Variants in EYA1 observed in about 807,000 individuals in gnomAD.
EYA1 encodes protein phosphatase EYA1.
In EYA1, 16 loss-of-function variants were observed where a neutral mutation model predicts 82.0. The ratio of observed to expected loss-of-function variants is 0.20; its 90% CI spans 0.13 to 0.30. The LOEUF (loss-of-function observed/expected upper bound fraction) is 0.30. Among genes scored for constraint, EYA1 ranks in the 10% least tolerant of loss-of-function variants. The pLI is 1.00. For missense variants in EYA1, 633 were observed against 730.7 expected (o/e 0.87, Z 1.54); for synonymous variants, 261 against 264.4 (o/e 0.99, Z 0.12).
At chr8:71,466,875 A>G (rs977020354) in intron 2 of EYA1, among the ~76,000 whole-genome samples, 2 of 152,134 alleles carry the variant, frequency 1.3e-5, no homozygotes, top group Admixed American at 1.3e-4. Flanking sequence ...TCTTCTTACC[A>G]CTGGGGTTTG....
chr8:71,323,167 A>T (rs1306992454), intron 4 of EYA1, among the ~76,000 whole-genome samples: 1 of 152,126 alleles, frequency 6.6e-6, no homozygotes, highest in Non-Finnish European at 1.5e-5. Context: ...ATATGTGTGT[A>T]TATATACATA....
intron 9 of EYA1, among the ~76,000 whole-genome samples, chr8:71,283,673 T>C (rs1453953472): frequency 6.6e-6 from 1 of 152,210 alleles, no homozygotes; most frequent in Non-Finnish European, 1.5e-5. Context: ...AATGTCTTCA[T>C]GTTCATTAGG....
At chr8:71,244,759 T>G (rs986684626) in intron 11 of EYA1, 67 bp from the exon 12 acceptor site, 2 of 954,260 alleles carry the variant, frequency 2.1e-6, no homozygotes, top group Admixed American at 3.7e-5. Context: ...AGTGTCTCAT[T>G]AAGAGGAAGC....
At chr8:71,417,494 T>G (rs946924950) in intron 2 of EYA1, among the ~76,000 whole-genome samples, 1 of 152,230 alleles carries the variant, frequency 6.6e-6, no homozygotes, top group Admixed American at 6.5e-5. Context: ...TTCCATTATA[T>G]CGATGTATCA....
chr8:71,462,516 C>A (rs967279468), intron 2 of EYA1, among the ~76,000 whole-genome samples: 4 of 152,178 alleles, frequency 2.6e-5, no homozygotes, highest in African/African-American at 9.7e-5. Flanking sequence ...CCTTGGAGGG[C>A]AGGACTCTCA....
At chr8:71,266,863 T>A (rs906795328) in intron 11 of EYA1, among the ~76,000 whole-genome samples, 3 of 152,174 alleles carry the variant, frequency 2.0e-5, no homozygotes, top group Admixed American at 2.0e-4. Context: ...ATACGACTAT[T>A]TTCTCAGTTG....
chr8:71,261,572 G>A (rs1815115634), intron 11 of EYA1, among the ~76,000 whole-genome samples: 1 of 152,144 alleles, frequency 6.6e-6, no homozygotes, highest in Non-Finnish European at 1.5e-5. Context: ...CCTTACTTAA[G>A]AGACTCCCTT....
intron 2 of EYA1, among the ~76,000 whole-genome samples, chr8:71,400,479 G>A (rs551731153): frequency 1.3e-5 from 2 of 152,150 alleles, no homozygotes; most frequent in South Asian, 4.2e-4. Context: ...GTGGGCAAAG[G>A]ACAGGAATAG....
At chr8:71,275,310 G>T (rs532806792) in intron 9 of EYA1, among the ~76,000 whole-genome samples, 1 of 152,332 alleles carries the variant, frequency 6.6e-6, no homozygotes, top group East Asian at 1.9e-4. Context: ...ACTGGGTGAA[G>T]ATTGTAATAC....
intron 9 of EYA1, among the ~76,000 whole-genome samples, chr8:71,274,395 T>G (rs1218310807): frequency 6.6e-6 from 1 of 152,176 alleles, no homozygotes; most frequent in Non-Finnish European, 1.5e-5. Flanking sequence ...GCAAAACAAC[T>G]CAAATATTCA....
At chr8:71,242,238 A>C (rs1254530055) in intron 12 of EYA1, among the ~76,000 whole-genome samples, 1 of 152,184 alleles carries the variant, frequency 6.6e-6, no homozygotes, top group African/African-American at 2.4e-5. Flanking sequence ...TATTGAAATA[A>C]GTAAAAAACC....
At chr8:71,222,771 T>C (rs1810091860) in intron 12 of EYA1, among the ~76,000 whole-genome samples, 2 of 152,242 alleles carry the variant, frequency 1.3e-5, no homozygotes, top group East Asian at 1.9e-4. Flanking sequence ...GCGATGCTGA[T>C]GTCTTTGACC....
At chr8:71,398,371 A>C (rs928130052) in intron 2 of EYA1, among the ~76,000 whole-genome samples, 2 of 152,086 alleles carry the variant, frequency 1.3e-5, no homozygotes, top group Non-Finnish European at 2.9e-5. Context: ...GAGAAAAGGC[A>C]CTCTGATTTT....
intron 2 of EYA1, among the ~76,000 whole-genome samples, chr8:71,456,212 A>T (rs923232951): frequency 3.9e-5 from 6 of 152,200 alleles, no homozygotes; most frequent in African/African-American, 1.4e-4. Flanking sequence ...GATGTGAAGG[A>T]CCTCTTCAAG....
intron 2 of EYA1, among the ~76,000 whole-genome samples, chr8:71,423,036 C>T (rs1018797080): frequency 6.6e-5 from 10 of 152,114 alleles, no homozygotes; most frequent in Non-Finnish European, 1.3e-4. Flanking sequence ...AAAATAAGAA[C>T]CTAAATCAGA....
intron 9 of EYA1, among the ~76,000 whole-genome samples, chr8:71,281,536 T>C (rs1817816480): frequency 6.6e-6 from 1 of 152,248 alleles, no homozygotes; most frequent in African/African-American, 2.4e-5. Context: ...GTCTTAAACA[T>C]CTGAAAGAGG....
chr8:71,330,328 G>A (rs1001047813), intron 4 of EYA1, among the ~76,000 whole-genome samples: 14 of 152,022 alleles, frequency 9.2e-5, no homozygotes, highest in East Asian at 1.9e-4. Context: ...AGCCTGATCC[G>A]CTTCTGTTTT....
intron 4 of EYA1, among the ~76,000 whole-genome samples, chr8:71,324,167 AT>A (rs1220104511): frequency 6.6e-6 from 1 of 152,140 alleles, no homozygotes; most frequent in African/African-American, 2.4e-5. Context: ...GTACCCAACA[AT>A]TTTTTTCTTT....
intron 12 of EYA1, among the ~76,000 whole-genome samples, chr8:71,226,289 C>T (rs1467124845): frequency 6.6e-6 from 1 of 151,996 alleles, no homozygotes; most frequent in Non-Finnish European, 1.5e-5. Flanking sequence ...CATTATATCA[C>T]TTTAGCGTGT....
Sources: allele counts gnomAD v4.1 joint callset (sites outside exome capture counted in the v4.1 genomes callset), GRCh38; gene constraint gnomAD v4.1.1; transcripts MANE v1.5; gene names NCBI Gene and HGNC (gene_info 2026-07-23, HGNC 2026-07-21).